Variants in CHN1 observed in about 807,000 individuals in gnomAD.
The protein encoded by CHN1 is chimerin 1.
A neutral mutation model predicts 59.5 loss-of-function variants in CHN1; 37 were observed. That is an observed-to-expected ratio of 0.62 (90% CI 0.48 to 0.82). CHN1 has a LOEUF of 0.82. Ranked by LOEUF, CHN1 falls within the 40% of genes least tolerant of loss-of-function variation. CHN1 has a pLI of 0.00. For missense variants in CHN1, 469 were observed against 571.0 expected, an observed-to-expected ratio of 0.82 and a Z score of 1.82; for synonymous variants, 206 against 200.4, an observed-to-expected ratio of 1.03 and a Z score of -0.24.
chr2:174,918,851 A>C (rs1020236013), intron 3 of CHN1, among the ~76,000 whole-genome samples: 1 of 151,246 alleles, frequency 6.6e-6, no homozygotes, highest in African/African-American at 2.5e-5. Flanking sequence ...TTTATTCAAG[A>C]GTAAAATACA....
chr2:174,886,207 T>C (rs1687889963), intron 5 of CHN1, among the ~76,000 whole-genome samples: 1 of 152,222 alleles, frequency 6.6e-6, no homozygotes, highest in Non-Finnish European at 1.5e-5. Context: ...CAGATCCCTA[T>C]TTAATTCTGT....
At chr2:174,904,936 T>A (rs1286188446) in intron 5 of CHN1, among the ~76,000 whole-genome samples, 1 of 152,146 alleles carries the variant, frequency 6.6e-6, no homozygotes, top group Non-Finnish European at 1.5e-5. Flanking sequence ...CTTGAGCCAG[T>A]CACACTGGGC....
intron 8 of CHN1, among the ~76,000 whole-genome samples, chr2:174,815,977 T>G (rs769782783): frequency 2.6e-5 from 4 of 152,202 alleles, no homozygotes; most frequent in Non-Finnish European, 4.4e-5. Context: ...ATTACCCAAA[T>G]GGCAGGACTC....
chr2:174,822,191 C>G (rs563038847), intron 8 of CHN1, among the ~76,000 whole-genome samples: 18 of 152,248 alleles, frequency 1.2e-4, no homozygotes, highest in South Asian at 1.0e-3. Context: ...TAATATGGTT[C>G]AAATCACACT....
intron 1 of CHN1, among the ~76,000 whole-genome samples, chr2:174,966,927 G>T (rs1417798098): frequency 1.3e-5 from 2 of 151,978 alleles, no homozygotes; most frequent in African/African-American, 2.4e-5. Context: ...ATTTTGTTGG[G>T]TACATTTCAA....
intron 10 of CHN1, among the ~76,000 whole-genome samples, chr2:174,810,086 G>C (rs958942399): frequency 1.3e-5 from 2 of 152,138 alleles, no homozygotes; most frequent in Non-Finnish European, 2.9e-5. Context: ...ATTACTTGAG[G>C]TTTATGCCTC....
chr2:174,844,518 T>C (rs528820831), intron 7 of CHN1, among the ~76,000 whole-genome samples: 1 of 152,334 alleles, frequency 6.6e-6, no homozygotes, highest in Admixed American at 6.5e-5. Context: ...TTATACAGAA[T>C]ACACTTTTAC....
chr2:174,944,086 A>G (rs1689754427), intron 3 of CHN1, among the ~76,000 whole-genome samples: 1 of 152,174 alleles, frequency 6.6e-6, no homozygotes, highest in South Asian at 2.1e-4. Context: ...TTAGTATTCT[A>G]TTCTATTCAA....
chr2:174,982,420 T>G (rs1691185366), intron 1 of CHN1, among the ~76,000 whole-genome samples: 1 of 152,216 alleles, frequency 6.6e-6, no homozygotes, highest in Non-Finnish European at 1.5e-5. Context: ...ACCAACAGTG[T>G]AAAAGTGTTC....
intron 6 of CHN1, among the ~76,000 whole-genome samples, chr2:174,869,139 T>A (rs745332078): frequency 6.6e-6 from 1 of 152,190 alleles, no homozygotes; most frequent in African/African-American, 2.4e-5. Context: ...CTCTTCTCCC[T>A]GCACCCAGGA....
intron 8 of CHN1, among the ~76,000 whole-genome samples, chr2:174,818,423 C>G (rs991034957): frequency 1.3e-5 from 2 of 152,106 alleles, no homozygotes; most frequent in East Asian, 1.9e-4. Context: ...GCCTCAGGGA[C>G]TAACGGTATA....
intron 1 of CHN1, among the ~76,000 whole-genome samples, chr2:174,987,725 T>C (rs148554849): frequency 0.01 from 1,549 of 152,262 alleles, 31 homozygotes; most frequent in African/African-American, 0.036. Context: ...TGAGCCACCG[T>C]GCTTGGCAGG....
intron 10 of CHN1, among the ~76,000 whole-genome samples, chr2:174,810,654 T>G (rs1335986778): frequency 1.3e-5 from 2 of 152,204 alleles, no homozygotes; most frequent in Admixed American, 6.5e-5. Flanking sequence ...TTCACCTCCC[T>G]TTCTTTGCTC....
chr2:174,966,603 CCTT>C (rs1230121733), intron 1 of CHN1, among the ~76,000 whole-genome samples: 1 of 152,152 alleles, frequency 6.6e-6, no homozygotes, highest in East Asian at 1.9e-4. Context: ...TACACAAAGT[CCTT>C]CTGCTTACTC....
At position 174,903,649 on chromosome 2, in the gene CHN1, A is replaced by G. The variant is rs541365999; in HGVS notation, c.260+11409T>C. 3.3e-5 allele frequency among the ~76,000 whole-genome samples: 5 copies of G among 152,326 alleles called. 1 individual carries two copies. Among genetic ancestry groups the G allele is most frequent in the African/African-American group, 1.2e-4 (5 of 41,582 alleles). On this transcript the variant is annotated intron_variant, in intron 5 of 12. Coordinates refer to ENST00000409900, the MANE Select transcript of CHN1 (RefSeq NM_001822.7). Reference sequence around the variant, plus strand: ...AACAGAAATATAATAAATTACACAGATGCAAATACGCTTATTTTTATAAAG... The same window carrying G: ...AACAGAAATATAATAAATTACACAGGTGCAAATACGCTTATTTTTATAAAG...
chr2:174,982,555 C>T (rs1462691939), intron 1 of CHN1, among the ~76,000 whole-genome samples: 6 of 152,124 alleles, frequency 3.9e-5, no homozygotes, highest in Non-Finnish European at 8.8e-5. Context: ...CCAGCAAATT[C>T]ACACTAATTT....
intron 1 of CHN1, among the ~76,000 whole-genome samples, chr2:174,977,993 G>GA: frequency 6.6e-6 from 1 of 151,796 alleles, no homozygotes; most frequent in Non-Finnish European, 1.5e-5. Flanking sequence ...AGACCTCTAA[G>GA]AAAAAATAAA....
intron 5 of CHN1, among the ~76,000 whole-genome samples, chr2:174,889,153 A>G (rs1311543750): frequency 1.3e-5 from 2 of 152,180 alleles, no homozygotes; most frequent in African/African-American, 2.4e-5. Flanking sequence ...TTACACACAC[A>G]AGCCCAGAGA....
At chr2:174,823,250 TAA>T (rs1685561027) in intron 8 of CHN1, among the ~76,000 whole-genome samples, 1 of 152,372 alleles carries the variant, frequency 6.6e-6, no homozygotes, top group African/African-American at 2.4e-5. Flanking sequence ...AGCTTCATGC[TAA>T]AAGACATGTA....
Sources: gnomAD v4.1 joint callset for allele counts (sites outside exome capture counted in the v4.1 genomes callset) on GRCh38, gnomAD v4.1.1 for gene constraint, MANE v1.5 for transcripts, NCBI Gene and HGNC (gene_info 2026-07-23, HGNC 2026-07-21) for gene names.